Variants in DCUN1D5 observed in about 807,000 individuals in gnomAD.
The protein encoded by DCUN1D5 is DCN1-like protein 5.
In DCUN1D5, 10 loss-of-function variants were observed where a neutral mutation model predicts 38.3. The ratio of observed to expected loss-of-function variants is 0.26; its 90% confidence interval spans 0.16 to 0.44. DCUN1D5 has a LOEUF of 0.44. Among genes scored for constraint, DCUN1D5 ranks in the 20% least tolerant of loss-of-function variants. The probability of loss-of-function intolerance (pLI) is 1.00; values close to 1 mark genes in which losing one functional copy is unlikely to be tolerated. For missense variants in DCUN1D5, 148 were observed against 275.3 expected, an observed-to-expected ratio of 0.54 and a Z score of 3.27; for synonymous variants, 93 against 90.9, an observed-to-expected ratio of 1.02 and a Z score of -0.13.
Position 103,077,186 on chromosome 11 carries a change from C to T in DCUN1D5, c.341+5562G>A, listed in dbSNP as rs1862431325. 6.6e-6 allele frequency among the ~76,000 whole-genome samples: 1 copy of T among 151,888 alleles called. No homozygotes were observed. The highest frequency in any genetic ancestry group is 1.9e-4 in the East Asian group (1 of 5,172). On this transcript the variant is annotated intron_variant, in intron 4 of 7. Transcript: ENST00000260247. This position sits in a 1 kb window ranked among gnomAD's most constrained non-coding sequence, Gnocchi z 4.3. ...CTGCACTCCAGCCTGGGAGACTGAG[C>T]AAGACGCCGTCTCAAATAAAAAAAA...
rs1387771400 is a variant in DCUN1D5, at chr11:103,087,750, AATT to A, written c.178+1474_178+1476del. ...CCTGGGACAATTCCTGGAATAATGC[AATT>A]ATTATGTTGGCTATTAAAAATGCTA... On this transcript the variant is annotated intron_variant, in intron 2 of 7. Transcript: ENST00000260247. The surrounding 1 kb of genome is among the most constrained non-coding windows in gnomAD (Gnocchi z 4.1). 3.9e-5 allele frequency among the ~76,000 whole-genome samples: 6 copies of A among 152,366 alleles called. No homozygotes were observed. Among genetic ancestry groups the A allele is most frequent in the South Asian group, 4.1e-4 (2 of 4,830 alleles).
chr11:103,083,105 A>C lies in DCUN1D5; in HGVS notation c.249+151T>G, dbSNP rs1862608308. 3.3e-6 allele frequency: 2 copies of C among 610,216 alleles called. No individual in the cohort carries two copies. The highest frequency in any genetic ancestry group is 2.9e-6 in the Non-Finnish European group (1 of 341,840). The allele number at this position is 610,216 out of a possible 1,614,324, so 37.8% of individuals were successfully genotyped here. A position where few individuals can be genotyped will look rare whatever the true frequency, so the allele number is the denominator to read the frequency against. ...AAGAAAGAATACATTTGCCCAACTT[A>C]AACTGATTAAAAATACCTTAAATGC... is the stretch of plus-strand genomic sequence containing the variant. On this transcript the variant is annotated intron_variant, in intron 3 of 7. Coordinates refer to ENST00000260247, the MANE Select transcript of DCUN1D5 (RefSeq NM_032299.4). This position sits in a 1 kb window ranked among gnomAD's most constrained non-coding sequence, Gnocchi z 4.4.
chr11:103,079,158 C>A (rs970179144), intron 4 of DCUN1D5, among the ~76,000 whole-genome samples: 1 of 152,146 alleles, frequency 6.6e-6, no homozygotes, highest in East Asian at 1.9e-4. Context: ...TTGCATGCGC[C>A]TTATGAGAAT....
intron 4 of DCUN1D5, among the ~76,000 whole-genome samples, chr11:103,068,472 C>G (rs1411145124): frequency 6.6e-6 from 1 of 151,908 alleles, no homozygotes; most frequent in Non-Finnish European, 1.5e-5. Flanking sequence ...ACATATACAC[C>G]ATGGTATATG....
In DCUN1D5 at chr11:103,055,155, T is replaced by G. The variant is rs1050995828; in HGVS notation, c.*7204A>C. 3 of 152,128 alleles carry G rather than the reference T, an allele frequency of 2.0e-5. No individual in the cohort carries two copies. The highest frequency in any genetic ancestry group is 7.2e-5 in the African/African-American group (3 of 41,424). 9.4% of individuals were successfully genotyped at this position (152,128 alleles called of 1,614,324 possible). ...TTTCTCTTGGGAACAGAGTAAACTG[T>G]TGTACACCTGCATTTTGACTGTGAC... On this transcript the variant is annotated 3_prime_UTR_variant, in exon 8 of 8. Coordinates refer to ENST00000260247, the MANE Select transcript of DCUN1D5 (RefSeq NM_032299.4).
In DCUN1D5 at chr11:103,062,179, G is replaced by A; in HGVS notation, c.*180C>T. ...TTCAATATTCAGTCTAAGAAGAGGT[G>A]TGGCTCAATGCCCATCACATGTAAC... is the stretch of plus-strand genomic sequence containing the variant. On this transcript the variant is annotated 3_prime_UTR_variant, in exon 8 of 8. Coordinates refer to ENST00000260247, the MANE Select transcript of DCUN1D5 (RefSeq NM_032299.4). This position sits in a 1 kb window ranked among gnomAD's most constrained non-coding sequence, Gnocchi z 4.6. The A allele has an allele frequency of 1.7e-6, 1 of 586,932 alleles. No homozygotes were observed. The allele number at this position is 586,932 out of a possible 1,614,324, so 36.4% of individuals were successfully genotyped here.
chr11:103,088,792 CTA>C (rs1297288668), intron 2 of DCUN1D5, among the ~76,000 whole-genome samples: 1 of 152,158 alleles, frequency 6.6e-6, no homozygotes, highest in Non-Finnish European at 1.5e-5. Context: ...AAATCTTTTA[CTA>C]TGTCTCCCCA....
Position 103,078,694 on chromosome 11 carries a change from GTACTT to G in DCUN1D5, c.341+4049_341+4053del, listed in dbSNP as rs1372666622. Among the ~76,000 whole-genome samples, 1 of 152,148 alleles carries G rather than the reference GTACTT, an allele frequency of 6.6e-6. No individual in the cohort carries two copies. The highest frequency in any genetic ancestry group is 1.5e-5 in the Non-Finnish European group (1 of 68,018). ...AAACCTATCCTGGCAATTTTTTTATGTACTTTACAATTTTAAGAAATCAAACTACT... is the reference window on the plus strand; with the variant it reads ...AAACCTATCCTGGCAATTTTTTTATGTACAATTTTAAGAAATCAAACTACT... On this transcript the variant is annotated intron_variant, in intron 4 of 7. Coordinates refer to ENST00000260247, the MANE Select transcript of DCUN1D5 (RefSeq NM_032299.4). This position sits in a 1 kb window ranked among gnomAD's most constrained non-coding sequence, Gnocchi z 4.6.
intron 4 of DCUN1D5, among the ~76,000 whole-genome samples, chr11:103,069,538 A>T (rs1196375983): frequency 6.6e-6 from 1 of 152,170 alleles, no homozygotes; most frequent in African/African-American, 2.4e-5. Context: ...AGGTAACATG[A>T]ACTTCTGCTC....
rs188471818 is a variant in DCUN1D5 at position 103,088,529 on chromosome 11, C to T, written c.178+698G>A. 5.9e-5 allele frequency among the ~76,000 whole-genome samples: 9 copies of T among 152,308 alleles called. No homozygotes were observed. The East Asian group carries it at 1.5e-3, about 26-fold the overall frequency. ...ACACAACCCCATCCTGGGCCTAGGG[C>T]TCTTCATCCACCAGTTACAAGATTT... On this transcript the variant is annotated intron_variant, in intron 2 of 7. Coordinates refer to ENST00000260247, the MANE Select transcript of DCUN1D5 (RefSeq NM_032299.4).
chr11:103,066,117 C>G lies in DCUN1D5; in HGVS notation c.555+152G>C. 2.4e-6 allele frequency: 1 copy of G among 423,466 alleles called. No individual in the cohort carries two copies. The highest frequency in any genetic ancestry group is 4.2e-6 in the Non-Finnish European group (1 of 239,600). 26.2% of individuals were successfully genotyped at this position (423,466 alleles called of 1,614,324 possible). ...TATATTAATAAACATGAACTTCTAT[C>G]TAAAAATAGCAACTGATATGTACAT... is the stretch of plus-strand genomic sequence containing the variant. On this transcript the variant is annotated intron_variant, in intron 6 of 7. Coordinates refer to ENST00000260247, the MANE Select transcript of DCUN1D5 (RefSeq NM_032299.4). The surrounding 1 kb of genome is among the most constrained non-coding windows in gnomAD (Gnocchi z 4.7).
At chr11:103,085,828 A>G (rs1862692219) in intron 2 of DCUN1D5, among the ~76,000 whole-genome samples, 2 of 152,202 alleles carry the variant, frequency 1.3e-5, no homozygotes, top group South Asian at 4.1e-4. Flanking sequence ...TGTTCATACT[A>G]TGAGTTCACT....
Position 103,087,035 on chromosome 11 carries a change from T to G in DCUN1D5, c.178+2192A>C, listed in dbSNP as rs981722003. 6.6e-6 allele frequency among the ~76,000 whole-genome samples: 1 copy of G among 152,006 alleles called. No homozygotes were observed. The highest frequency in any genetic ancestry group is 6.6e-5 in the Admixed American group (1 of 15,260). ...AGTCTCAGTTTTCTCATCTATAAAA[T>G]GAGGGTATGGCCAAGCACAGCAGCT... On this transcript the variant is annotated intron_variant, in intron 2 of 7. Coordinates refer to ENST00000260247, the MANE Select transcript of DCUN1D5 (RefSeq NM_032299.4). This position sits in a 1 kb window ranked among gnomAD's most constrained non-coding sequence, Gnocchi z 4.1.
Position 103,054,060 on chromosome 11 carries a change from C to G in DCUN1D5, c.*8299G>C, listed in dbSNP as rs1243205903. The G allele has an allele frequency of 6.6e-6, 1 of 152,078 alleles. No individual in the cohort carries two copies. Among genetic ancestry groups the G allele is most frequent in the African/African-American group, 2.4e-5 (1 of 41,418 alleles). 9.4% of individuals were successfully genotyped at this position (152,078 alleles called of 1,614,324 possible). On this transcript the variant is annotated 3_prime_UTR_variant, in exon 8 of 8. Transcript: ENST00000260247. ...ATGGGAAAACTTTCCAGGTGAAAAG[C>G]AGGAAAAAGAACCTCATTCCAGAAG...
chr11:103,073,407 C>T lies in DCUN1D5; in HGVS notation c.342-6840G>A, dbSNP rs542287758. Among the ~76,000 whole-genome samples the T allele has an allele frequency of 6.6e-6, 1 of 152,240 alleles. No homozygotes were observed. The highest frequency in any genetic ancestry group is 1.9e-4 in the East Asian group (1 of 5,186). On this transcript the variant is annotated intron_variant, in intron 4 of 7. Coordinates refer to ENST00000260247, the MANE Select transcript of DCUN1D5 (RefSeq NM_032299.4). This position sits in a 1 kb window ranked among gnomAD's most constrained non-coding sequence, Gnocchi z 4.2. ...ATATGCTATTTAACCAAAATCTCAGCAAGATATTTTTGTAAAGAAAAGACT... is the reference window on the plus strand; with the variant it reads ...ATATGCTATTTAACCAAAATCTCAGTAAGATATTTTTGTAAAGAAAAGACT...
In DCUN1D5 at chr11:103,060,252, G is replaced by T. The variant is rs373476652; in HGVS notation, c.*2107C>A. On this transcript the variant is annotated 3_prime_UTR_variant, in exon 8 of 8. Transcript: ENST00000260247. The stretch of plus-strand genomic sequence containing the variant: ...TGGACTCCAAAGTATGGCTAGGGTA[G>T]GATAGGACAGTTGACTTTAAGGGAA... Among the ~76,000 whole-genome samples, 7 of 152,166 alleles carry T rather than the reference G, an allele frequency of 4.6e-5. No individual in the cohort carries two copies. The South Asian group carries it at 1.5e-3, about 32-fold the overall frequency.
At chr11:103,070,609 G>A (rs1294100705) in intron 4 of DCUN1D5, among the ~76,000 whole-genome samples, 1 of 152,124 alleles carries the variant, frequency 6.6e-6, no homozygotes, top group African/African-American at 2.4e-5. Flanking sequence ...ACTGAAAAGA[G>A]AAATAAATTC....
At chr11:103,068,543 A>G (rs1345353591) in intron 4 of DCUN1D5, among the ~76,000 whole-genome samples, 1 of 152,184 alleles carries the variant, frequency 6.6e-6, no homozygotes, top group Non-Finnish European at 1.5e-5. Context: ...TTGCGGGAAC[A>G]TGGATGGTGC....
In DCUN1D5 at chr11:103,087,438, G is replaced by C. The variant is rs943250678; in HGVS notation, c.178+1789C>G. ...GCCTACCTTGGCCTCCCAAAGTGCTGAGATTACAGACGTGAGCCACCACAC... is the reference window on the plus strand; with the variant it reads ...GCCTACCTTGGCCTCCCAAAGTGCTCAGATTACAGACGTGAGCCACCACAC... On this transcript the variant is annotated intron_variant, in intron 2 of 7. Transcript: ENST00000260247. The surrounding 1 kb of genome is among the most constrained non-coding windows in gnomAD (Gnocchi z 4.1). Among the ~76,000 whole-genome samples, 1 of 152,098 alleles carries C rather than the reference G, an allele frequency of 6.6e-6. No homozygotes were observed. Among genetic ancestry groups the C allele is most frequent in the Non-Finnish European group, 1.5e-5 (1 of 68,018 alleles).
Sources: allele counts gnomAD v4.1 joint callset (sites outside exome capture counted in the v4.1 genomes callset), GRCh38; gene constraint gnomAD v4.1.1; non-coding constraint Gnocchi (gnomAD v3.1); transcripts MANE v1.5; gene names NCBI Gene and HGNC (gene_info 2026-07-23, HGNC 2026-07-21).